Variants in SPOCK3 observed in about 807,000 individuals in gnomAD.
SPOCK3 encodes testican-3.
A neutral mutation model predicts 56.6 loss-of-function variants in SPOCK3; 30 were observed. The ratio of observed to expected loss-of-function variants is 0.53; its 90% CI spans 0.40 to 0.72. The LOEUF (loss-of-function observed/expected upper bound fraction) is 0.72, where lower values mean the gene tolerates loss of function less well. Ranked by LOEUF, SPOCK3 falls within the 30% of genes least tolerant of loss-of-function variation. The pLI, the probability that SPOCK3 is intolerant of heterozygous loss-of-function variation, is 0.00. For synonymous variants in SPOCK3, 196 were observed against 183.3 expected (o/e 1.07, Z -0.56); for missense variants, 527 against 530.0 (o/e 0.99, Z 0.06).
chr4:167,097,063 T>A (rs988747370), intron 2 of SPOCK3, among the ~76,000 whole-genome samples: 4 of 151,858 alleles, frequency 2.6e-5, no homozygotes, highest in African/African-American at 4.8e-5. Flanking sequence ...TATCTAAAAT[T>A]AATATATAGT....
At chr4:167,082,139 C>T (rs1757764177) in intron 2 of SPOCK3, among the ~76,000 whole-genome samples, 1 of 152,070 alleles carries the variant, frequency 6.6e-6, no homozygotes, top group South Asian at 2.1e-4. Flanking sequence ...ATGTGTGCAA[C>T]TTATGTTTAA....
chr4:166,884,487 G>T (rs1323193459), intron 6 of SPOCK3, among the ~76,000 whole-genome samples: 2 of 151,844 alleles, frequency 1.3e-5, no homozygotes, highest in African/African-American at 4.8e-5. Context: ...ATACTATTAA[G>T]TATAGAAAAA....
In SPOCK3 at chr4:167,083,105, A is replaced by G. The variant is rs1580236767; in HGVS notation, c.190-20568T>C. On this transcript the variant is annotated intron_variant, in intron 2 of 10. Coordinates refer to ENST00000357545, the MANE Select transcript of SPOCK3 (RefSeq NM_001040159.2). ...ACCAAAGAGCCCCCCTCACACAATG[A>G]ATGAGTGGTACTTCTTAACTAATTA... is the stretch of plus-strand genomic sequence containing the variant. 4.0e-6 allele frequency: 3 copies of G among 747,566 alleles called. No homozygotes were observed. In the East Asian group the frequency reaches 7.3e-5, roughly 18 times the overall value. 46.3% of individuals were successfully genotyped at this position (747,566 alleles called of 1,614,324 possible).
intron 4 of SPOCK3, among the ~76,000 whole-genome samples, chr4:166,978,779 C>T (rs555659436): frequency 6.6e-6 from 1 of 151,798 alleles, no homozygotes; most frequent in Non-Finnish European, 1.5e-5. Context: ...ATACAACACA[C>T]ACATATACAA....
intron 2 of SPOCK3, among the ~76,000 whole-genome samples, chr4:167,092,369 C>G (rs182690675): frequency 3.3e-5 from 5 of 152,246 alleles, no homozygotes; most frequent in Admixed American, 1.3e-4. Flanking sequence ...CCTTCTGTAA[C>G]GAAGGGTCCC....
intron 2 of SPOCK3, among the ~76,000 whole-genome samples, chr4:167,182,950 C>G (rs1196563262): frequency 6.6e-6 from 1 of 152,132 alleles, no homozygotes; most frequent in African/African-American, 2.4e-5. Context: ...GGTGCCTATC[C>G]CTTAACTTTG....
intron 5 of SPOCK3, among the ~76,000 whole-genome samples, chr4:166,908,974 T>C (rs921178723): frequency 6.6e-6 from 1 of 152,050 alleles, no homozygotes; most frequent in African/African-American, 2.4e-5. Flanking sequence ...TTTTCTGGCA[T>C]TGCTGAATTT....
intron 2 of SPOCK3, among the ~76,000 whole-genome samples, chr4:167,141,486 C>T (rs989349339): frequency 3.9e-5 from 6 of 152,046 alleles, no homozygotes; most frequent in Non-Finnish European, 7.4e-5. Context: ...AATCTGGTGT[C>T]CAATTCAGCC....
chr4:167,229,043 T>A (rs796360133), intron 2 of SPOCK3, among the ~76,000 whole-genome samples: 1 of 152,168 alleles, frequency 6.6e-6, no homozygotes, highest in African/African-American at 2.4e-5. Flanking sequence ...AAGAAATGCC[T>A]ATGTTCTCAA....
intron 2 of SPOCK3, among the ~76,000 whole-genome samples, chr4:167,092,976 G>A (rs1758833620): frequency 6.6e-6 from 1 of 152,044 alleles, no homozygotes; most frequent in African/African-American, 2.4e-5. Context: ...TACTTTGTAA[G>A]TTCTATAAAA....
At chr4:167,201,848 AG>A (rs1580602346) in intron 2 of SPOCK3, among the ~76,000 whole-genome samples, 1 of 151,922 alleles carries the variant, frequency 6.6e-6, no homozygotes, top group East Asian at 1.9e-4. Flanking sequence ...TTATACCTGC[AG>A]ACCTTTCTAG....
intron 4 of SPOCK3, among the ~76,000 whole-genome samples, chr4:166,943,266 C>T (rs1207150933): frequency 6.6e-6 from 1 of 152,154 alleles, no homozygotes; most frequent in Non-Finnish European, 1.5e-5. Context: ...TTAATGTCCA[C>T]CTATAGGAAA....
At chr4:167,054,099 C>T (rs1177678468) in intron 3 of SPOCK3, among the ~76,000 whole-genome samples, 1 of 152,084 alleles carries the variant, frequency 6.6e-6, no homozygotes, top group Admixed American at 6.6e-5. Flanking sequence ...CCTTAGGACA[C>T]CTAGAGATTT....
intron 4 of SPOCK3, among the ~76,000 whole-genome samples, chr4:166,924,630 G>T (rs552394732): frequency 6.6e-6 from 1 of 152,154 alleles, no homozygotes; most frequent in Non-Finnish European, 1.5e-5. Context: ...CACTAACAAT[G>T]CCTGAAAGGC....
At chr4:166,866,576 A>G (rs965879704) in intron 6 of SPOCK3, among the ~76,000 whole-genome samples, 1 of 152,136 alleles carries the variant, frequency 6.6e-6, no homozygotes, top group African/African-American at 2.4e-5. Context: ...AACTTAAACA[A>G]ATTTACAAGA....
chr4:166,878,776 C>A (rs150279381), intron 6 of SPOCK3, among the ~76,000 whole-genome samples: 1 of 152,116 alleles, frequency 6.6e-6, no homozygotes, highest in South Asian at 2.1e-4. Context: ...CAGCAATCAT[C>A]GCTTCAAAAC....
At chr4:166,908,506 T>C (rs1007184917) in intron 5 of SPOCK3, among the ~76,000 whole-genome samples, 1 of 134,166 alleles carries the variant, frequency 7.5e-6, no homozygotes, top group African/African-American at 2.9e-5. Flanking sequence ...AGCTTTATAT[T>C]TGCCTTCCTT....
Position 167,048,344 on chromosome 4 carries a change from T to C in SPOCK3, c.235+14148A>G, listed in dbSNP as rs916227995. Among the ~76,000 whole-genome samples the C allele has an allele frequency of 4.0e-5, 6 of 151,460 alleles. No individual in the cohort carries two copies. The South Asian group carries it at 8.4e-4, about 21-fold the overall frequency. ...AAAAATGCAAAAGAAAAAAAAGTAG[T>C]GTGTGATGTATTTCAAAAGTGAAAG... On this transcript the variant is annotated intron_variant, in intron 3 of 10. Coordinates refer to ENST00000357545, the MANE Select transcript of SPOCK3 (RefSeq NM_001040159.2).
intron 5 of SPOCK3, among the ~76,000 whole-genome samples, chr4:166,890,972 C>T (rs899807793): frequency 6.6e-6 from 1 of 151,960 alleles, no homozygotes; most frequent in African/African-American, 2.4e-5. Flanking sequence ...GATAGTAGCT[C>T]TTCTTGTTGC....
Sources: gnomAD v4.1 joint callset for allele counts (sites outside exome capture counted in the v4.1 genomes callset) on GRCh38, gnomAD v4.1.1 for gene constraint, MANE v1.5 for transcripts, NCBI Gene and HGNC (gene_info 2026-07-23, HGNC 2026-07-21) for gene names.